The following CNNM2 variants were observed in gnomAD, a reference collection of about 807,000 sequenced individuals.
CNNM2 encodes metal transporter CNNM2.
CNNM2 carries 12 observed loss-of-function variants against 66.9 expected under a neutral mutation model. The ratio of observed to expected loss-of-function variants is 0.18; its 90% CI spans 0.11 to 0.29. CNNM2 has a LOEUF of 0.29. Among genes scored for constraint, CNNM2 ranks in the 10% least tolerant of loss-of-function variants. The probability of loss-of-function intolerance (pLI) is 1.00; values close to 1 mark genes in which losing one functional copy is unlikely to be tolerated. For synonymous variants in CNNM2, 557 were observed against 501.8 expected (o/e 1.11, Z -1.47); for missense variants, 705 against 1,167.7 (o/e 0.60, Z 5.77).
At chr10:103,017,432 CA>C (rs2064476318) in intron 1 of CNNM2, among the ~76,000 whole-genome samples, 1 of 152,078 alleles carries the variant, frequency 6.6e-6, no homozygotes, top group Non-Finnish European at 1.5e-5. Context: ...ACCAAAACAT[CA>C]GATGCTGGCA....
At chr10:103,055,405 T>C (rs1464995610) in intron 3 of CNNM2, among the ~76,000 whole-genome samples, 1 of 152,268 alleles carries the variant, frequency 6.6e-6, no homozygotes, top group Non-Finnish European at 1.5e-5. Flanking sequence ...CACAATATTA[T>C]ATTTATCACA....
chr10:103,072,018 A>G (rs1351593297), intron 6 of CNNM2, among the ~76,000 whole-genome samples, 179 bp downstream of exon 6: 16 of 152,200 alleles, frequency 1.1e-4, no homozygotes, highest in Non-Finnish European at 2.4e-4. Flanking sequence ...CATAAGCCAC[A>G]GCAGGTGGAG....
Position 103,007,568 on chromosome 10 carries a change from TC to T in CNNM2, c.1622-42137del, listed in dbSNP as rs994900689. Among the ~76,000 whole-genome samples the T allele has an allele frequency of 6.6e-5, 10 of 152,234 alleles. No homozygotes were observed. The East Asian group carries it at 9.6e-4, about 15-fold the overall frequency. The stretch of plus-strand genomic sequence containing the variant: ...CAGGGTCTTAATTATTAATATTCCT[TC>T]CTAGGAAAATAATTCGCGATATCTT... On this transcript the variant is annotated intron_variant, in intron 1 of 7. Coordinates refer to ENST00000369878, the MANE Select transcript of CNNM2 (RefSeq NM_017649.5).
intron 1 of CNNM2, among the ~76,000 whole-genome samples, chr10:103,010,313 C>T (rs564976522): frequency 6.6e-6 from 1 of 152,008 alleles, no homozygotes; most frequent in South Asian, 2.1e-4. Flanking sequence ...TCATGGCGCA[C>T]TACAGCCTGG....
rs2065770061 is a variant in CNNM2, at chr10:103,082,802, C to G, written c.*5622C>G. On this transcript the variant is annotated 3_prime_UTR_variant, in exon 8 of 8. Transcript: ENST00000369878. ...AGGTCTCCTACCTTGTGGGCAGGGCCTCTCAAGTACCTCCATGAAATATTT... is the reference window on the plus strand; with the variant it reads ...AGGTCTCCTACCTTGTGGGCAGGGCGTCTCAAGTACCTCCATGAAATATTT... 1 of 152,206 alleles carries G rather than the reference C, an allele frequency of 6.6e-6. No individual in the cohort carries two copies. Among genetic ancestry groups the G allele is most frequent in the African/African-American group, 2.4e-5 (1 of 41,438 alleles). 9.4% of individuals were successfully genotyped at this position (152,206 alleles called of 1,614,324 possible).
At chr10:103,057,057 A>G in intron 4 of CNNM2, 93 bp downstream of exon 4, 4 of 1,261,546 alleles carry the variant, frequency 3.2e-6, no homozygotes, top group Non-Finnish European at 4.4e-6. Context: ...TACATACTGA[A>G]CCTTTCTATA....
chr10:102,957,310 AAAT>A, intron 1 of CNNM2, among the ~76,000 whole-genome samples: 1 of 152,202 alleles, frequency 6.6e-6, no homozygotes, highest in Non-Finnish European at 1.5e-5. Flanking sequence ...CGTCTCAAAA[AAAT>A]AATAATAAAT....
intron 1 of CNNM2, among the ~76,000 whole-genome samples, chr10:102,960,489 CA>C (rs1413600557): frequency 6.6e-6 from 1 of 152,172 alleles, no homozygotes; most frequent in Non-Finnish European, 1.5e-5. Flanking sequence ...CTACTGTTGA[CA>C]TTTTGACATA....
intron 1 of CNNM2, among the ~76,000 whole-genome samples, chr10:103,025,960 G>A (rs2064693804): frequency 6.6e-6 from 1 of 152,200 alleles, no homozygotes; most frequent in Non-Finnish European, 1.5e-5. Flanking sequence ...AGGTGATTGG[G>A]TCATCAGGTT....
intron 1 of CNNM2, among the ~76,000 whole-genome samples, chr10:103,034,987 A>AAAAAAT (rs1554902000): frequency 1.4e-5 from 2 of 147,610 alleles, no homozygotes; most frequent in South Asian, 2.2e-4. Flanking sequence ...AAAAAAAAAA[A>AAAAAAT]AAATCTCCTA....
chr10:103,067,588 CAA>C (rs759887674), intron 4 of CNNM2, among the ~76,000 whole-genome samples: 28 of 152,140 alleles, frequency 1.8e-4, no homozygotes, highest in Non-Finnish European at 2.9e-4. Flanking sequence ...GTAATGGGAA[CAA>C]GAGCATTTCT....
At position 103,068,655 on chromosome 10, in the gene CNNM2, A is replaced by G; in HGVS notation, c.2100A>G (p.Lys700=). 10 of 1,612,972 alleles carry G rather than the reference A, an allele frequency of 6.2e-6. No individual in the cohort carries two copies. The highest frequency in any genetic ancestry group is 1.6e-4 in the Middle Eastern group (1 of 6,062). ...LQGKVEVEAG[K]EGMKFEASAF... is the part of the protein sequence containing the mutation. ...GGAAAGTGGAAGTTGAAGCTGGGAA[A>G]GAAGGTATGAAGTTTGAAGCGAGCG... Residue 700 remains lysine, a synonymous_variant, in exon 5 of 8, where the codon AAA becomes AAG. Coordinates refer to ENST00000369878, the MANE Select transcript of CNNM2 (RefSeq NM_017649.5).
chr10:102,965,631 T>G (rs562281641), intron 1 of CNNM2, among the ~76,000 whole-genome samples: 1 of 152,214 alleles, frequency 6.6e-6, no homozygotes. Context: ...TCTAAAGTCT[T>G]GAGTCAGCGT....
intron 6 of CNNM2, 49 bp downstream of exon 6, chr10:103,071,888 C>A (rs752157258): frequency 1.3e-6 from 2 of 1,531,584 alleles, no homozygotes; most frequent in Admixed American, 3.3e-5. Context: ...GCCTTCCTTG[C>A]CCCCCATCAC....
chr10:103,068,741 C>G lies in CNNM2; in HGVS notation c.2167+19C>G, dbSNP rs371887491. On this transcript the variant is annotated intron_variant, in intron 5 of 7. Coordinates refer to ENST00000369878, the MANE Select transcript of CNNM2 (RefSeq NM_017649.5). ...TCTCCAGGTATGTTTGGTTCCCAGCCGCATAGGGCAGGACCACGTGTTAGG... is the reference window on the plus strand; with the variant it reads ...TCTCCAGGTATGTTTGGTTCCCAGCGGCATAGGGCAGGACCACGTGTTAGG... 17 of 1,594,230 alleles carry G rather than the reference C, an allele frequency of 1.1e-5. No individual in the cohort carries two copies. The Admixed American group carries it at 2.4e-4, about 22-fold the overall frequency.
intron 4 of CNNM2, among the ~76,000 whole-genome samples, chr10:103,067,333 G>A (rs1156427467): frequency 6.6e-6 from 1 of 152,118 alleles, no homozygotes; most frequent in East Asian, 1.9e-4. Flanking sequence ...CTCCCAAAGT[G>A]CTGAGGTTAC....
rs529109432 is a variant in CNNM2 at position 102,996,232 on chromosome 10, A to AT, written c.1622-53464dup. Among the ~76,000 whole-genome samples, 2,924 of 141,580 alleles carry AT rather than the reference A, an allele frequency of 0.021. 67 individuals are homozygous for AT. The highest frequency in any genetic ancestry group is 0.12 in the South Asian group (565 of 4,594). 92.9% of individuals were successfully genotyped at this position (141,580 alleles called of 152,430 possible). ...TTTCAAAGAATGAAGGTTTGGTTTC[A>AT]TTTTTTTTTTTCTATTGTTTTTCTG... On this transcript the variant is annotated intron_variant, in intron 1 of 7. Transcript: ENST00000369878.
chr10:103,034,117 G>T (rs1301001330), intron 1 of CNNM2, among the ~76,000 whole-genome samples: 1 of 151,590 alleles, frequency 6.6e-6, no homozygotes, highest in African/African-American at 2.4e-5. Flanking sequence ...AATATCCAGA[G>T]ATTTTTTGGG....
intron 1 of CNNM2, among the ~76,000 whole-genome samples, chr10:102,933,910 C>A (rs144678943): frequency 1.8e-3 from 280 of 152,288 alleles, no homozygotes; most frequent in African/African-American, 5.9e-3. Context: ...TCATAACTCA[C>A]TGCAGCCTCA....
Sources: gnomAD v4.1 joint callset for allele counts (sites outside exome capture counted in the v4.1 genomes callset) on GRCh38, gnomAD v4.1.1 for gene constraint, MANE v1.5 for transcripts, NCBI Gene and HGNC (gene_info 2026-07-23, HGNC 2026-07-21) for gene names.